NRDE2: variants seen among roughly 807,000 people sequenced by gnomAD.
NRDE2 encodes the protein nuclear exosome regulator NRDE2.
A neutral mutation model predicts 124.2 loss-of-function variants in NRDE2; 76 were observed. The observed-to-expected ratio is 0.61, with a 90% CI of 0.51 to 0.74. NRDE2 has a LOEUF of 0.74. Among genes scored for constraint, NRDE2 ranks in the 30% least tolerant of loss-of-function variants. The pLI, the probability that NRDE2 is intolerant of heterozygous loss-of-function variation, is 0.00. For missense variants in NRDE2, 1,314 were observed against 1,417.3 expected (o/e 0.93, Z 1.17); for synonymous variants, 489 against 528.1 (o/e 0.93, Z 1.01).
At chr14:90,297,315 T>A (rs1037151543) in intron 8 of NRDE2, among the ~76,000 whole-genome samples, 4 of 152,158 alleles carry the variant, frequency 2.6e-5, no homozygotes, top group Non-Finnish European at 5.9e-5. Context: ...TTAATAATTT[T>A]AAAATACTAA....
Position 90,326,421 on chromosome 14 carries a change from G to A in NRDE2, c.64+5420C>T, listed in dbSNP as rs565402244. ...AGGCAGGAGAATGGCGTGAACCCGG[G>A]AAGCGGAGCTTGCAGTGAGCCGAGA... On this transcript the variant is annotated intron_variant, in intron 1 of 13. Coordinates refer to ENST00000354366, the MANE Select transcript of NRDE2 (RefSeq NM_017970.4). 2.0e-4 allele frequency among the ~76,000 whole-genome samples: 30 copies of A among 150,840 alleles called. No homozygotes were observed. The Middle Eastern group carries it at 0.01, about 52-fold the overall frequency.
chr14:90,318,178 T>A, intron 1 of NRDE2, 65 bp from the exon 2 acceptor site: 1 of 1,253,790 alleles, frequency 8.0e-7, no homozygotes, highest in Non-Finnish European at 1.1e-6. Flanking sequence ...GCAGGAGATC[T>A]ATCCATCTTA....
Position 90,268,174 on chromosome 14 carries a change from A to G in NRDE2, c.*10162T>C, listed in dbSNP as rs1566674654. 1 of 1,451,568 alleles carries G rather than the reference A, an allele frequency of 6.9e-7. No individual in the cohort carries two copies. Among genetic ancestry groups the G allele is most frequent in the African/African-American group, 1.4e-5 (1 of 69,376 alleles). 89.9% of individuals were successfully genotyped at this position (1,451,568 alleles called of 1,614,324 possible). ...GTAATGATACGAGTTTTTAAGTTAA[A>G]ATGGCACTTAAGGTGTCTTTTTTTT... On this transcript the variant is annotated 3_prime_UTR_variant, in exon 14 of 14. Coordinates refer to ENST00000354366, the MANE Select transcript of NRDE2 (RefSeq NM_017970.4).
rs1238568846 is a variant in NRDE2, at chr14:90,271,728, GCC to G, written c.*6606_*6607del. 6.6e-6 allele frequency: 1 copy of G among 152,120 alleles called. No individual in the cohort carries two copies. Among genetic ancestry groups the G allele is most frequent in the African/African-American group, 2.4e-5 (1 of 41,382 alleles). 9.4% of individuals were successfully genotyped at this position (152,120 alleles called of 1,614,324 possible). Reference sequence around the variant, plus strand: ...ACCTGAGCCAAAACTAGAACCCACAGCCCTGACCCTTGGGTCAGTCTTAGTTA... The same window carrying G: ...ACCTGAGCCAAAACTAGAACCCACAGCTGACCCTTGGGTCAGTCTTAGTTA... On this transcript the variant is annotated 3_prime_UTR_variant, in exon 14 of 14. Coordinates refer to ENST00000354366, the MANE Select transcript of NRDE2 (RefSeq NM_017970.4).
At position 90,302,951 on chromosome 14, in the gene NRDE2, A is replaced by G; in HGVS notation, c.1180T>C (p.Phe394Leu). 1 of 1,613,964 alleles carries G rather than the reference A, an allele frequency of 6.2e-7. No individual in the cohort carries two copies. Among genetic ancestry groups the G allele is most frequent in the East Asian group, 2.2e-5 (1 of 44,884 alleles). ...KLAKLKLCTE[F>L]WEPSTLVKEW... is the part of the protein sequence containing the mutation. ...TTGACCAGAGTGGAGGGCTCCCAGA[A>G]CTCTGTGCAGAGCTTCAGCTTGGCC... The change falls in exon 6 of 14, where the codon TTC becomes CTC. Residue 394 changes from phenylalanine to leucine, a missense_variant. Coordinates refer to ENST00000354366, the MANE Select transcript of NRDE2 (RefSeq NM_017970.4).
At chr14:90,325,841 T>C (rs1405086530) in intron 1 of NRDE2, among the ~76,000 whole-genome samples, 1 of 152,176 alleles carries the variant, frequency 6.6e-6, no homozygotes, top group African/African-American at 2.4e-5. Flanking sequence ...GCCTAACTTT[T>C]AATGGTAGCC....
intron 11 of NRDE2, 68 bp downstream of exon 11, chr14:90,288,149 G>T (rs1472991703): frequency 2.1e-6 from 3 of 1,459,912 alleles, no homozygotes; most frequent in Non-Finnish European, 2.8e-6. Flanking sequence ...ACCCAGCAAG[G>T]TCAGGGCAAC....
intron 12 of NRDE2, 121 bp downstream of exon 12, chr14:90,286,233 T>C: frequency 9.0e-7 from 1 of 1,112,126 alleles, no homozygotes; most frequent in Non-Finnish European, 1.3e-6. Context: ...AAGATGAGAG[T>C]GAAATATGGC....
intron 9 of NRDE2, 117 bp from the exon 10 acceptor site, chr14:90,290,724 TAAAC>T: frequency 8.0e-7 from 1 of 1,242,598 alleles, no homozygotes; most frequent in Non-Finnish European, 1.1e-6. Context: ...AAATCAATTT[TAAAC>T]AGACAGGAGC....
chr14:90,290,801 T>C lies in NRDE2; in HGVS notation c.1843-194A>G, dbSNP rs150799733. Among the ~76,000 whole-genome samples the C allele has an allele frequency of 2.2e-3, 337 of 152,262 alleles. 2 individuals are homozygous for C. The highest frequency in any genetic ancestry group is 7.6e-3 in the African/African-American group (317 of 41,536). On this transcript the variant is annotated intron_variant, in intron 9 of 13. Coordinates refer to ENST00000354366, the MANE Select transcript of NRDE2 (RefSeq NM_017970.4). ...GCAACCTGGACAGCTGGAGAATAAC[T>C]GTTAGGCAGCCCTGTGGTGCCATTA...
At chr14:90,278,486 C>T (rs562566492) in intron 13 of NRDE2, 25 bp from the exon 14 acceptor site, 1 of 1,611,238 alleles carries the variant, frequency 6.2e-7, no homozygotes, top group East Asian at 2.2e-5. Context: ...GGAAGGCCGC[C>T]CCACTCAGCC....
Position 90,269,723 on chromosome 14 carries a change from T to C in NRDE2, c.*8613A>G. ...ATGAGGGTTAAAACAGAGCATGATA[T>C]GGTCTGTGCACCTTGGCCCTTTGAA... On this transcript the variant is annotated 3_prime_UTR_variant, in exon 14 of 14. Transcript: ENST00000354366. 3 of 620,232 alleles carry C rather than the reference T, an allele frequency of 4.8e-6. No individual in the cohort carries two copies. Among genetic ancestry groups the C allele is most frequent in the East Asian group, 2.9e-5 (1 of 34,822 alleles). 38.4% of individuals were successfully genotyped at this position (620,232 alleles called of 1,614,324 possible).
At chr14:90,315,001 ACC>A (rs747170588) in intron 3 of NRDE2, among the ~76,000 whole-genome samples, 25 of 149,994 alleles carry the variant, frequency 1.7e-4, no homozygotes, top group Non-Finnish European at 2.4e-4. Flanking sequence ...ACATGGAAAA[ACC>A]CCGTCTCTAC....
At position 90,272,648 on chromosome 14, in the gene NRDE2, C is replaced by A. The variant is rs1891700152; in HGVS notation, c.*5688G>T. The A allele has an allele frequency of 2.7e-6, 1 of 371,918 alleles. No homozygotes were observed. The allele number at this position is 371,918 out of a possible 1,614,324, so 23.0% of individuals were successfully genotyped here. A position where few individuals can be genotyped will look rare whatever the true frequency, so the allele number is the denominator to read the frequency against. ...ACACTTCCTGTTTCTGCAGTCTCCA[C>A]ACACACCTACCGCTCAACAGCAGCC... On this transcript the variant is annotated 3_prime_UTR_variant, in exon 14 of 14. Coordinates refer to ENST00000354366, the MANE Select transcript of NRDE2 (RefSeq NM_017970.4). The surrounding 1 kb of genome is among the most constrained non-coding windows in gnomAD (Gnocchi z 4.5).
chr14:90,304,240 TGTTCATTA>T lies in NRDE2; in HGVS notation c.692_699del (p.Leu231TyrfsTer7). 3 of 1,614,176 alleles carry T rather than the reference TGTTCATTA, an allele frequency of 1.9e-6. No homozygotes were observed. Among genetic ancestry groups the T allele is most frequent in the Non-Finnish European group, 2.5e-6 (3 of 1,180,034 alleles). On this transcript the variant is annotated frameshift_variant, in exon 5 of 14. Transcript: ENST00000354366. LOFTEE classifies it high-confidence loss of function. ...TTACTGCTAATGGCAACTCCATCGA[TGTTCATTA>T]ATCCCACACTCTTCTTAGTAAAATA...
rs1891663803 is a variant in NRDE2, at chr14:90,271,557, T to C, written c.*6779A>G. ...TGCCACTTACAGTATCTAACCAGAATACATGTTCTTTTATGACTATAAGTA... is the reference window on the plus strand; with the variant it reads ...TGCCACTTACAGTATCTAACCAGAACACATGTTCTTTTATGACTATAAGTA... On this transcript the variant is annotated 3_prime_UTR_variant, in exon 14 of 14. Coordinates refer to ENST00000354366, the MANE Select transcript of NRDE2 (RefSeq NM_017970.4). 3 of 152,218 alleles carry C rather than the reference T, an allele frequency of 2.0e-5. No homozygotes were observed. Among genetic ancestry groups the C allele is most frequent in the Non-Finnish European group, 2.9e-5 (2 of 68,034 alleles). 9.4% of individuals were successfully genotyped at this position (152,218 alleles called of 1,614,324 possible). A position where few individuals can be genotyped will look rare whatever the true frequency, so the allele number is the denominator to read the frequency against.
At chr14:90,321,603 G>C (rs1048752512) in intron 1 of NRDE2, among the ~76,000 whole-genome samples, 1 of 150,208 alleles carries the variant, frequency 6.7e-6, no homozygotes, top group African/African-American at 2.4e-5. Flanking sequence ...CTTGGGTTTT[G>C]AACATGAATC....
At chr14:90,319,959 CCA>C (rs1290990482) in intron 1 of NRDE2, among the ~76,000 whole-genome samples, 1 of 152,172 alleles carries the variant, frequency 6.6e-6, no homozygotes, top group East Asian at 1.9e-4. Flanking sequence ...TATAAGAATT[CCA>C]GTTTCTCCAT....
chr14:90,297,805 G>C lies in NRDE2; in HGVS notation c.1666+455C>G, dbSNP rs189783962. On this transcript the variant is annotated intron_variant, in intron 8 of 13. Coordinates refer to ENST00000354366, the MANE Select transcript of NRDE2 (RefSeq NM_017970.4). ...AAAATACAAAAATTAGCTGGGCATG[G>C]TGGCAGAAGCCTGTAATCCCAGCTA... Among the ~76,000 whole-genome samples, 219 of 152,168 alleles carry C rather than the reference G, an allele frequency of 1.4e-3. 1 individual carries two copies. The highest frequency in any genetic ancestry group is 2.5e-3 in the African/African-American group (105 of 41,512).
Sources: allele counts gnomAD v4.1 joint callset (sites outside exome capture counted in the v4.1 genomes callset), GRCh38; gene constraint gnomAD v4.1.1; non-coding constraint Gnocchi (gnomAD v3.1); transcripts MANE v1.5; gene names NCBI Gene and HGNC (gene_info 2026-07-23, HGNC 2026-07-21).